SH3PXD2A: variants seen among roughly 807,000 people sequenced by gnomAD.
The protein encoded by SH3PXD2A is SH3 and PX domain-containing protein 2A.
In SH3PXD2A, 32 loss-of-function variants were observed where a neutral mutation model predicts 115.2. The observed-to-expected ratio is 0.28, with a 90% CI of 0.21 to 0.37. The LOEUF (loss-of-function observed/expected upper bound fraction) is 0.37. Among genes scored for constraint, SH3PXD2A ranks in the 10% least tolerant of loss-of-function variants. The pLI is 1.00. For synonymous variants in SH3PXD2A, 610 were observed against 629.1 expected (o/e 0.97, Z 0.45); for missense variants, 1,328 against 1,498.7 (o/e 0.89, Z 1.88).
chr10:103,696,708 C>A (rs2037829254), intron 5 of SH3PXD2A, among the ~76,000 whole-genome samples: 1 of 152,162 alleles, frequency 6.6e-6, no homozygotes, highest in Admixed American at 6.5e-5. Context: ...CTCCCTCTAG[C>A]GTTGCCAGAG....
intron 7 of SH3PXD2A, among the ~76,000 whole-genome samples, chr10:103,662,986 G>A (rs929928484): frequency 9.2e-5 from 14 of 152,010 alleles, no homozygotes; most frequent in Middle Eastern, 6.8e-3. Context: ...TTTATGTTTT[G>A]TAGAGCTGAG....
chr10:103,682,285 G>A (rs115181914), intron 6 of SH3PXD2A, among the ~76,000 whole-genome samples: 3,853 of 152,316 alleles, frequency 0.025, 120 homozygotes, highest in African/African-American at 0.076. Flanking sequence ...GCCAGGGAGC[G>A]TGGCGCAGAC....
At chr10:103,670,340 A>G (rs780816970) in intron 6 of SH3PXD2A, among the ~76,000 whole-genome samples, 1 of 152,178 alleles carries the variant, frequency 6.6e-6, no homozygotes, top group Non-Finnish European at 1.5e-5. Context: ...GGATGATGTG[A>G]TATACTTACC....
At chr10:103,823,526 G>A (rs939973366) in intron 1 of SH3PXD2A, among the ~76,000 whole-genome samples, 1 of 152,202 alleles carries the variant, frequency 6.6e-6, no homozygotes, top group Non-Finnish European at 1.5e-5. Context: ...GCTCTGCACT[G>A]GAGACAGCCA....
intron 2 of SH3PXD2A, among the ~76,000 whole-genome samples, chr10:103,772,406 G>A (rs2038832939): frequency 6.6e-6 from 1 of 152,240 alleles, no homozygotes; most frequent in South Asian, 2.1e-4. Flanking sequence ...GCCCAGCAGA[G>A]AGTTCTCCGG....
intron 2 of SH3PXD2A, among the ~76,000 whole-genome samples, chr10:103,793,053 A>G (rs183796028): frequency 1.4e-3 from 213 of 152,288 alleles, no homozygotes; most frequent in African/African-American, 4.9e-3. Flanking sequence ...GACATATTTT[A>G]TTTTTGACTT....
chr10:103,807,301 T>A (rs2039216222), intron 1 of SH3PXD2A, among the ~76,000 whole-genome samples: 1 of 152,214 alleles, frequency 6.6e-6, no homozygotes, highest in South Asian at 2.1e-4. Flanking sequence ...TGTTGCCCCC[T>A]TGGCTACAAA....
chr10:103,595,007 TGA>T lies in SH3PXD2A; in HGVS notation c.*6807_*6808del, dbSNP rs2036113768. 6.6e-6 allele frequency: 1 copy of T among 152,200 alleles called. No individual in the cohort carries two copies. Among genetic ancestry groups the T allele is most frequent in the African/African-American group, 2.4e-5 (1 of 41,434 alleles). The allele number at this position is 152,200 out of a possible 1,614,324, so 9.4% of individuals were successfully genotyped here. Reference sequence around the variant, plus strand: ...TCACTGCTCTTTGAGCCATACAACTTGAGAGACTGGCTTTGGATTGGACAGTC... The same window carrying T: ...TCACTGCTCTTTGAGCCATACAACTTGAGACTGGCTTTGGATTGGACAGTC... On this transcript the variant is annotated 3_prime_UTR_variant, in exon 15 of 15. Coordinates refer to ENST00000369774, the MANE Select transcript of SH3PXD2A (RefSeq NM_001394015.1).
intron 1 of SH3PXD2A, among the ~76,000 whole-genome samples, chr10:103,803,779 G>A (rs1334133399): frequency 6.6e-6 from 1 of 152,176 alleles, no homozygotes; most frequent in Non-Finnish European, 1.5e-5. Context: ...TTTTGCCAAG[G>A]TGAAGGACAC....
At chr10:103,684,853 A>G (rs925129814) in intron 6 of SH3PXD2A, among the ~76,000 whole-genome samples, 1 of 151,500 alleles carries the variant, frequency 6.6e-6, no homozygotes, top group Admixed American at 6.6e-5. Flanking sequence ...ACATAGCGAG[A>G]CCCTGTCTCT....
Position 103,812,316 on chromosome 10 carries a change from C to T in SH3PXD2A, c.73-10954G>A, listed in dbSNP as rs7092251. ...GAGCCCAGAGAGGGCGATGGTGTGC[C>T]TAGGCTGAGGTGATAAGGCTAACCT... On this transcript the variant is annotated intron_variant, in intron 1 of 14. Coordinates refer to ENST00000369774, the MANE Select transcript of SH3PXD2A (RefSeq NM_001394015.1). 5.6e-3 allele frequency among the ~76,000 whole-genome samples: 860 copies of T among 152,278 alleles called. 14 individuals are homozygous for T. Among genetic ancestry groups the T allele is most frequent in the African/African-American group, 0.02 (813 of 41,564 alleles).
At chr10:103,818,541 G>A (rs991086566) in intron 1 of SH3PXD2A, among the ~76,000 whole-genome samples, 8 of 152,114 alleles carry the variant, frequency 5.3e-5, no homozygotes, top group Non-Finnish European at 1.5e-5. Flanking sequence ...TGCTCTCTTT[G>A]CCTGGAGAGA....
intron 8 of SH3PXD2A, among the ~76,000 whole-genome samples, chr10:103,640,641 G>A (rs921283937): frequency 7.9e-5 from 12 of 152,286 alleles, no homozygotes; most frequent in Admixed American, 7.2e-4. Flanking sequence ...AATGGGCAAC[G>A]GTCCCAGCTT....
chr10:103,722,509 C>T (rs538084937), intron 5 of SH3PXD2A, among the ~76,000 whole-genome samples: 33 of 151,732 alleles, frequency 2.2e-4, no homozygotes, highest in African/African-American at 7.5e-4. Context: ...ACTGTGTTGC[C>T]AGGACTGGTC....
At chr10:103,643,640 G>A (rs2036988376) in intron 8 of SH3PXD2A, among the ~76,000 whole-genome samples, 1 of 152,190 alleles carries the variant, frequency 6.6e-6, no homozygotes, top group Non-Finnish European at 1.5e-5. Flanking sequence ...TAACAGCACA[G>A]GAGCCCCAAA....
intron 2 of SH3PXD2A, among the ~76,000 whole-genome samples, chr10:103,787,239 A>G (rs2038989113): frequency 6.6e-6 from 1 of 152,206 alleles, no homozygotes; most frequent in African/African-American, 2.4e-5. Context: ...GCACAGGCCC[A>G]TGGCTCCAGC....
At chr10:103,641,569 G>T (rs922793685) in intron 8 of SH3PXD2A, among the ~76,000 whole-genome samples, 1 of 152,162 alleles carries the variant, frequency 6.6e-6, no homozygotes, top group African/African-American at 2.4e-5. Flanking sequence ...AAGGAAACCA[G>T]CAATGCCTGC....
At chr10:103,614,479 C>CAAAACAAAAGGAAACA (rs1216523399) in intron 11 of SH3PXD2A, among the ~76,000 whole-genome samples, 1 of 151,994 alleles carries the variant, frequency 6.6e-6, no homozygotes, top group African/African-American at 2.4e-5. Context: ...AAAAACAAAA[C>CAAAACAAAAGGAAACA]AAAACAAAAG....
chr10:103,706,003 A>AC (rs1378858450), intron 5 of SH3PXD2A, among the ~76,000 whole-genome samples: 1 of 149,324 alleles, frequency 6.7e-6, no homozygotes, highest in African/African-American at 2.5e-5. Flanking sequence ...TGTCTCAAAA[A>AC]GAAAAAAAAA....
Sources: allele counts gnomAD v4.1 joint callset (sites outside exome capture counted in the v4.1 genomes callset), GRCh38; gene constraint gnomAD v4.1.1; transcripts MANE v1.5; gene names NCBI Gene and HGNC (gene_info 2026-07-23, HGNC 2026-07-21).